PRMT3: variants seen among roughly 807,000 people sequenced by gnomAD.
PRMT3 encodes the protein protein arginine N-methyltransferase 3.
A neutral mutation model predicts 71.9 loss-of-function variants in PRMT3; 62 were observed. That is an observed-to-expected ratio of 0.86 (90% CI 0.70 to 1.07). The LOEUF (loss-of-function observed/expected upper bound fraction) is 1.07. Among genes scored for constraint, PRMT3 ranks in the 50% least tolerant of loss-of-function variants. The pLI, the probability that PRMT3 is intolerant of heterozygous loss-of-function variation, is 0.00. For missense variants in PRMT3, 663 were observed against 643.0 expected, an observed-to-expected ratio of 1.03 and a Z score of -0.34; for synonymous variants, 213 against 220.4, an observed-to-expected ratio of 0.97 and a Z score of 0.30.
At chr11:20,470,862 T>C (rs1422059379) in intron 13 of PRMT3, among the ~76,000 whole-genome samples, 2 of 152,216 alleles carry the variant, frequency 1.3e-5, no homozygotes, top group African/African-American at 2.4e-5. Context: ...CCACCAACCA[T>C]GTAAACAGCG....
chr11:20,446,351 T>C (rs1291527410), intron 10 of PRMT3, among the ~76,000 whole-genome samples: 1 of 24,564 alleles, frequency 4.1e-5, no homozygotes, highest in Non-Finnish European at 7.1e-5. Flanking sequence ...TTGGGTTGCA[T>C]ACTCTTTTTT....
At chr11:20,392,366 T>G in intron 4 of PRMT3, 106 bp downstream of exon 4, 1 of 1,208,998 alleles carries the variant, frequency 8.3e-7, no homozygotes, top group East Asian at 2.7e-5. Flanking sequence ...TGCATTAAAT[T>G]TGGTACTCAT....
chr11:20,466,652 G>A (rs189237944), intron 13 of PRMT3, among the ~76,000 whole-genome samples: 1 of 152,272 alleles, frequency 6.6e-6, no homozygotes, highest in East Asian at 1.9e-4. Flanking sequence ...TTAGGATAGA[G>A]TACAAGAAGG....
intron 10 of PRMT3, among the ~76,000 whole-genome samples, chr11:20,435,844 GTTGT>G (rs1164762231): frequency 6.6e-6 from 1 of 152,100 alleles, no homozygotes. Flanking sequence ...AAGTTTTAGG[GTTGT>G]TTATTTCTAC....
intron 8 of PRMT3, among the ~76,000 whole-genome samples, chr11:20,403,667 G>A (rs2133315106): frequency 6.6e-6 from 1 of 150,662 alleles, no homozygotes; most frequent in Middle Eastern, 3.5e-3. Flanking sequence ...TTACTTAAAA[G>A]TTCAGGTTTT....
At chr11:20,464,340 C>A in intron 12 of PRMT3, 120 bp from the exon 13 acceptor site, 2 of 1,360,204 alleles carry the variant, frequency 1.5e-6, no homozygotes, top group East Asian at 2.7e-5. Context: ...CTTTGGTTTC[C>A]AATAATCATT....
At chr11:20,476,755 G>GT (rs11380250) in intron 13 of PRMT3, among the ~76,000 whole-genome samples, 136,305 of 150,124 alleles carry the variant, frequency 0.91, 61,641 homozygotes, top group Middle Eastern at 0.94. Context: ...CATTTTTAGA[G>GT]TTTTTTTATC....
chr11:20,442,543 GA>G (rs1565214418), intron 10 of PRMT3, among the ~76,000 whole-genome samples: 1 of 151,898 alleles, frequency 6.6e-6, no homozygotes, highest in East Asian at 1.9e-4. Context: ...GCATATTCTA[GA>G]TATTGTTCTA....
chr11:20,444,820 AAAG>A lies in PRMT3; in HGVS notation c.994-7301_994-7299del, dbSNP rs1038012993. Reference sequence around the variant, plus strand: ...TGTCTATTAATTCTGTTAATTACTGAAAGAAGAAGAATGAAATTTCTACCTATA... The same window carrying A: ...TGTCTATTAATTCTGTTAATTACTGAAAGAAGAATGAAATTTCTACCTATA... On this transcript the variant is annotated intron_variant, in intron 10 of 15. Coordinates refer to ENST00000331079, the MANE Select transcript of PRMT3 (RefSeq NM_005788.4). Among the ~76,000 whole-genome samples, 3 of 152,076 alleles carry A rather than the reference AAAG, an allele frequency of 2.0e-5. No homozygotes were observed. In the South Asian group the frequency reaches 6.2e-4, roughly 32 times the overall value.
At chr11:20,501,371 C>T (rs929850742) in intron 15 of PRMT3, among the ~76,000 whole-genome samples, 9 of 151,818 alleles carry the variant, frequency 5.9e-5, no homozygotes, top group African/African-American at 1.9e-4. Flanking sequence ...CAATTTTCTC[C>T]ATCACCTTGG....
chr11:20,484,189 A>G (rs1590101421), intron 13 of PRMT3, among the ~76,000 whole-genome samples: 1 of 152,216 alleles, frequency 6.6e-6, no homozygotes, highest in Non-Finnish European at 1.5e-5. Flanking sequence ...AGAAATGGTA[A>G]GACTGCCCTT....
chr11:20,457,918 A>C (rs915754367), intron 11 of PRMT3, among the ~76,000 whole-genome samples: 1 of 152,166 alleles, frequency 6.6e-6, no homozygotes, highest in African/African-American at 2.4e-5. Flanking sequence ...TAATTTTTCA[A>C]AGCATATTAC....
In PRMT3 at chr11:20,508,466, G is replaced by T. The variant is rs537219681; in HGVS notation, c.*53G>T. 1 of 1,279,756 alleles carries T rather than the reference G, an allele frequency of 7.8e-7. No individual in the cohort carries two copies. Among genetic ancestry groups the T allele is most frequent in the Non-Finnish European group, 1.1e-6 (1 of 875,970 alleles). 79.3% of individuals were successfully genotyped at this position (1,279,756 alleles called of 1,614,324 possible). A position where few individuals can be genotyped will look rare whatever the true frequency, so the allele number is the denominator to read the frequency against. On this transcript the variant is annotated 3_prime_UTR_variant, in exon 16 of 16. Transcript: ENST00000331079. Reference sequence around the variant, plus strand: ...AGTTTTTAATGTGGGGGTAGAGTGGGTCAGCAGGAGGGAGCTGGTTTTATG... The same window carrying T: ...AGTTTTTAATGTGGGGGTAGAGTGGTTCAGCAGGAGGGAGCTGGTTTTATG...
intron 13 of PRMT3, among the ~76,000 whole-genome samples, chr11:20,478,652 T>G (rs905218745): frequency 2.0e-5 from 3 of 152,188 alleles, no homozygotes; most frequent in African/African-American, 7.2e-5. Context: ...GCTAATGCAA[T>G]TGCTATTAAA....
intron 13 of PRMT3, among the ~76,000 whole-genome samples, chr11:20,477,409 T>C (rs1850818105): frequency 6.6e-6 from 1 of 151,936 alleles, no homozygotes; most frequent in Admixed American, 6.6e-5. Flanking sequence ...ATACAAAAAT[T>C]AGCCAGGCAT....
intron 10 of PRMT3, among the ~76,000 whole-genome samples, chr11:20,447,287 T>A (rs369952375): frequency 1.3e-5 from 2 of 152,074 alleles, no homozygotes; most frequent in East Asian, 3.9e-4. Context: ...CTGGGATTAT[T>A]TGAGCTGTGG....
intron 13 of PRMT3, among the ~76,000 whole-genome samples, chr11:20,492,897 A>G (rs2133452007): frequency 6.6e-6 from 1 of 152,258 alleles, no homozygotes; most frequent in East Asian, 1.9e-4. Flanking sequence ...TCTCTACTAA[A>G]AATATAAAAA....
chr11:20,477,869 A>G (rs1850834226), intron 13 of PRMT3, among the ~76,000 whole-genome samples: 1 of 139,582 alleles, frequency 7.2e-6, no homozygotes, highest in African/African-American at 2.6e-5. Flanking sequence ...AAGTAACGTG[A>G]GGGAGAATTG....
intron 9 of PRMT3, among the ~76,000 whole-genome samples, chr11:20,421,980 C>T (rs1849435988): frequency 6.6e-6 from 1 of 152,202 alleles, no homozygotes; most frequent in Non-Finnish European, 1.5e-5. Context: ...CATGCCTACT[C>T]CTTCAGAAGG....
Sources: gnomAD v4.1 joint callset for allele counts (sites outside exome capture counted in the v4.1 genomes callset) on GRCh38, gnomAD v4.1.1 for gene constraint, MANE v1.5 for transcripts, NCBI Gene and HGNC (gene_info 2026-07-23, HGNC 2026-07-21) for gene names.